ABHD3: variants seen among roughly 807,000 people sequenced by gnomAD.
The protein encoded by ABHD3 is phospholipase ABHD3.
Under a neutral mutation model 48.8 loss-of-function variants are expected in ABHD3, and 46 were observed. The ratio of observed to expected loss-of-function variants is 0.94; its 90% CI spans 0.74 to 1.20. The LOEUF is 1.20. Ranked by LOEUF, ABHD3 falls within the 50% of genes most tolerant of loss-of-function variation. ABHD3 has a pLI of 0.00. For missense variants in ABHD3, 490 were observed against 497.8 expected (o/e 0.98, Z 0.15); for synonymous variants, 192 against 183.7 (o/e 1.04, Z -0.36).
At chr18:21,688,492 A>C (rs1260081997) in intron 3 of ABHD3, among the ~76,000 whole-genome samples, 5 of 151,014 alleles carry the variant, frequency 3.3e-5, no homozygotes, top group African/African-American at 4.9e-5. Flanking sequence ...TATTCATTCA[A>C]TAATATTTAC....
At chr18:21,699,026 C>T (rs1487071281) in intron 3 of ABHD3, among the ~76,000 whole-genome samples, 1 of 152,048 alleles carries the variant, frequency 6.6e-6, no homozygotes, top group African/African-American at 2.4e-5. Context: ...CTCCACTACC[C>T]AAGTTCAAGC....
In ABHD3 at chr18:21,703,587, C is replaced by T. The variant is rs749723703; in HGVS notation, c.323G>A (p.Arg108Lys). 6.2e-7 allele frequency: 1 copy of T among 1,606,550 alleles called. No homozygotes were observed. The highest frequency in any genetic ancestry group is 8.5e-7 in the Non-Finnish European group (1 of 1,173,904). Residue 108 changes from arginine (R) to lysine (K), a missense_variant, in exon 2 of 9, where the codon AGG becomes AAG. Arg to Lys is a conservative substitution (Grantham distance 26). Transcript: ENST00000289119. Reference protein sequence around the residue: ...FITSKPPVQYRNELIKTADGG... With the variant: ...FITSKPPVQYKNELIKTADGG... ...CTGAAAACGGAAATTCACTTACTTCCTGTACTGCACCGGGGGCTTCGAAGT... is the reference window on the plus strand; with the variant it reads ...CTGAAAACGGAAATTCACTTACTTCTTGTACTGCACCGGGGGCTTCGAAGT...
At chr18:21,674,771 A>G (rs2039839363) in intron 4 of ABHD3, among the ~76,000 whole-genome samples, 1 of 152,204 alleles carries the variant, frequency 6.6e-6, no homozygotes, top group Non-Finnish European at 1.5e-5. Context: ...GAGGTACTGC[A>G]TGTGAGAAAG....
intron 3 of ABHD3, among the ~76,000 whole-genome samples, chr18:21,693,681 CTTCA>C (rs2040303836): frequency 6.6e-6 from 1 of 152,196 alleles, no homozygotes; most frequent in African/African-American, 2.4e-5. Flanking sequence ...AAGCTAACCT[CTTCA>C]TTCAGTGCTT....
Position 21,704,561 on chromosome 18 carries a change from G to T in ABHD3, c.105C>A (p.Ser35=), listed in dbSNP as rs918249714. The part of the protein sequence containing the change: ...VGFFGSGVGL[S]LILGFSVAYA... Reference sequence around the variant, plus strand: ...AAGCGACGCTGAAGCCCAGGATAAGGGATAAGCCCACCCCCGAGCCGAAGA... The same window carrying T: ...AAGCGACGCTGAAGCCCAGGATAAGTGATAAGCCCACCCCCGAGCCGAAGA... The change falls in exon 1 of 9, where the codon TCC becomes TCA. Residue 35 remains serine, a synonymous_variant. Transcript: ENST00000289119. The T allele has an allele frequency of 1.3e-6, 2 of 1,536,278 alleles. No homozygotes were observed. Among genetic ancestry groups the T allele is most frequent in the East Asian group, 5.4e-5 (2 of 37,230 alleles).
At chr18:21,663,990 A>C in intron 5 of ABHD3, 128 bp downstream of exon 5, 1 of 1,435,126 alleles carries the variant, frequency 7.0e-7, no homozygotes, top group African/African-American at 1.4e-5. Context: ...GCATTTAATA[A>C]AATATGATAA....
chr18:21,680,655 G>C (rs2039983568), intron 4 of ABHD3, among the ~76,000 whole-genome samples: 1 of 152,094 alleles, frequency 6.6e-6, no homozygotes, highest in African/African-American at 2.4e-5. Context: ...ACGTTACTTA[G>C]AACTCAGTGA....
intron 3 of ABHD3, among the ~76,000 whole-genome samples, chr18:21,694,811 C>A (rs1273621091): frequency 6.6e-6 from 1 of 152,052 alleles, no homozygotes; most frequent in East Asian, 1.9e-4. Context: ...CTTTATTCAT[C>A]CTCCTTCTCC....
At chr18:21,684,081 T>G in intron 3 of ABHD3, 116 bp from the exon 4 acceptor site, 2 of 910,048 alleles carry the variant, frequency 2.2e-6, no homozygotes, top group Non-Finnish European at 3.2e-6. Flanking sequence ...TAAAAATCTG[T>G]CTTGTAGTTG....
chr18:21,658,413 T>C (rs746218320), intron 6 of ABHD3, among the ~76,000 whole-genome samples: 5 of 152,152 alleles, frequency 3.3e-5, no homozygotes, highest in Non-Finnish European at 7.4e-5. Context: ...ACTACATTAC[T>C]ATCCAGGAAA....
intron 4 of ABHD3, among the ~76,000 whole-genome samples, chr18:21,677,040 C>A (rs1307868154): frequency 6.6e-6 from 1 of 152,160 alleles, no homozygotes; most frequent in Non-Finnish European, 1.5e-5. Flanking sequence ...TCATCGTCCA[C>A]CTCAAGCCTT....
intron 4 of ABHD3, among the ~76,000 whole-genome samples, chr18:21,667,223 A>T (rs933286343): frequency 3.8e-5 from 4 of 106,542 alleles, no homozygotes; most frequent in Non-Finnish European, 7.3e-5. Context: ...ACAGGCGCCC[A>T]CCACCACACC....
At chr18:21,694,787 A>T (rs1202106468) in intron 3 of ABHD3, among the ~76,000 whole-genome samples, 1 of 151,908 alleles carries the variant, frequency 6.6e-6, no homozygotes, top group Admixed American at 6.6e-5. Flanking sequence ...CTCTACTGAG[A>T]TTCTCATGTT....
At chr18:21,684,169 A>G (rs1027969730) in intron 3 of ABHD3, among the ~76,000 whole-genome samples, 1 of 152,202 alleles carries the variant, frequency 6.6e-6, no homozygotes, top group African/African-American at 2.4e-5. Context: ...GTGGGTTCAA[A>G]TTAGAAAACT....
intron 5 of ABHD3, among the ~76,000 whole-genome samples, chr18:21,661,138 C>T (rs1291260149): frequency 7.2e-6 from 1 of 138,318 alleles, no homozygotes; most frequent in Non-Finnish European, 1.6e-5. Context: ...AGAAATAACC[C>T]CTGGATTAAG....
At chr18:21,675,262 GTTTTTTTTTT>G (rs61119109) in intron 4 of ABHD3, among the ~76,000 whole-genome samples, 2 of 85,492 alleles carry the variant, frequency 2.3e-5, no homozygotes, top group East Asian at 3.9e-4. Context: ...AATGAGGTGG[GTTTTTTTTTT>G]TTTTTTTTTT....
chr18:21,700,000 C>A (rs1184227519), intron 3 of ABHD3, among the ~76,000 whole-genome samples: 1 of 151,940 alleles, frequency 6.6e-6, no homozygotes, highest in Non-Finnish European at 1.5e-5. Context: ...CCTTTATAAG[C>A]AATGGACAAA....
intron 8 of ABHD3, among the ~76,000 whole-genome samples, chr18:21,653,737 T>TAA (rs11361855): frequency 5.0e-5 from 6 of 120,366 alleles, no homozygotes; most frequent in South Asian, 2.6e-4. Context: ...CAAAAAATGT[T>TAA]AAAAAAAAAA....
At chr18:21,670,316 C>G (rs1274731417) in intron 4 of ABHD3, among the ~76,000 whole-genome samples, 1 of 152,152 alleles carries the variant, frequency 6.6e-6, no homozygotes, top group Non-Finnish European at 1.5e-5. Context: ...GTCTTTGCTA[C>G]AAGGCCTTTT....
Sources: allele counts gnomAD v4.1 joint callset (sites outside exome capture counted in the v4.1 genomes callset), GRCh38; gene constraint gnomAD v4.1.1; transcripts MANE v1.5; gene names NCBI Gene and HGNC (gene_info 2026-07-23, HGNC 2026-07-21).